ANK3: variants seen among roughly 807,000 people sequenced by gnomAD.
ANK3 encodes ankyrin-3.
A neutral mutation model predicts 370.9 loss-of-function variants in ANK3; 57 were observed. The observed-to-expected ratio is 0.15, with a 90% CI of 0.12 to 0.19. The LOEUF (loss-of-function observed/expected upper bound fraction) is 0.19. Ranked by LOEUF, ANK3 falls within the 10% of genes least tolerant of loss-of-function variation. The pLI is 1.00. For synonymous variants in ANK3, 1,929 were observed against 1,946.3 expected (o/e 0.99, Z 0.23); for missense variants, 4,439 against 5,302.1 (o/e 0.84, Z 5.06).
intron 2 of ANK3, among the ~76,000 whole-genome samples, chr10:60,488,736 T>C (rs1333702850): frequency 1.3e-5 from 2 of 152,224 alleles, no homozygotes; most frequent in East Asian, 1.9e-4. Context: ...ATCCACGTGA[T>C]AGAAAATATT....
chr10:60,478,091 T>C (rs1440960626), intron 2 of ANK3, among the ~76,000 whole-genome samples: 1 of 152,096 alleles, frequency 6.6e-6, no homozygotes, highest in East Asian at 1.9e-4. Context: ...GAGAATGAAT[T>C]CATCATTAAT....
chr10:60,402,117 T>C (rs2063363038), intron 2 of ANK3, among the ~76,000 whole-genome samples: 1 of 152,162 alleles, frequency 6.6e-6, no homozygotes, highest in Non-Finnish European at 1.5e-5. Context: ...ACCCAAGCTG[T>C]TTTTTAAACC....
At chr10:60,548,229 T>G (rs1320014577) in intron 2 of ANK3, among the ~76,000 whole-genome samples, 1 of 127,456 alleles carries the variant, frequency 7.8e-6, no homozygotes, top group Non-Finnish European at 1.7e-5. Context: ...TTTTTTTTTT[T>G]TTTTTGAGAC....
chr10:60,267,226 C>T (rs10761471), intron 5 of ANK3, among the ~76,000 whole-genome samples: 1 of 151,818 alleles, frequency 6.6e-6, no homozygotes, highest in African/African-American at 2.4e-5. Context: ...TAAATACAGA[C>T]TTCTCTATAA....
chr10:60,444,374 TAA>T (rs1246256362), intron 2 of ANK3, among the ~76,000 whole-genome samples: 5 of 150,932 alleles, frequency 3.3e-5, no homozygotes, highest in South Asian at 4.2e-4. Flanking sequence ...ATATAACATA[TAA>T]GTGTATATAT....
chr10:60,512,858 T>C (rs1423565091), intron 2 of ANK3, among the ~76,000 whole-genome samples: 2 of 152,110 alleles, frequency 1.3e-5, no homozygotes, highest in Non-Finnish European at 2.9e-5. Flanking sequence ...AATGGTGGCC[T>C]CTATTTCAGG....
chr10:60,632,366 C>T (rs776910305), intron 1 of ANK3, among the ~76,000 whole-genome samples: 5 of 151,912 alleles, frequency 3.3e-5, no homozygotes, highest in African/African-American at 7.3e-5. Context: ...AAAACATTTG[C>T]TTTCCAAAAA....
At chr10:60,419,060 C>T (rs750909525) in intron 2 of ANK3, among the ~76,000 whole-genome samples, 2 of 152,128 alleles carry the variant, frequency 1.3e-5, no homozygotes, top group Non-Finnish European at 2.9e-5. Context: ...ATTTGATTGT[C>T]TTAAATGGCT....
Position 60,073,179 on chromosome 10 carries a change from T to C in ANK3, c.7702A>G (p.Arg2568Gly), listed in dbSNP as rs2083087147. Residue 2568 changes from arginine to glycine, a missense_variant, in exon 37 of 44, where the codon AGA becomes GGA. Transcript: ENST00000280772. ...CTATCTTCATATATCAACTTCTCTC[T>C]ACCTCTGTCTAATCTGTCCTCAGTA... ...RFTEDRLDRG[R>G]EKLIYEDRVD... The C allele has an allele frequency of 6.2e-7, 1 of 1,614,062 alleles. No individual in the cohort carries two copies. The highest frequency in any genetic ancestry group is 1.1e-5 in the South Asian group (1 of 91,088).
intron 1 of ANK3, among the ~76,000 whole-genome samples, chr10:60,623,419 A>T (rs551749114): frequency 6.6e-6 from 1 of 152,174 alleles, no homozygotes; most frequent in East Asian, 1.9e-4. Context: ...TGGAGTTTGA[A>T]TGGGCAAGGA....
chr10:60,592,691 G>T (rs2133294696), intron 2 of ANK3, among the ~76,000 whole-genome samples: 1 of 152,288 alleles, frequency 6.6e-6, no homozygotes, highest in South Asian at 2.1e-4. Context: ...TTGAACTCAG[G>T]AGGCAGAAGT....
At position 60,069,000 on chromosome 10, in the gene ANK3, T is replaced by C. The variant is rs771016844; in HGVS notation, c.11881A>G (p.Thr3961Ala). 1.4e-5 allele frequency: 23 copies of C among 1,613,634 alleles called. No homozygotes were observed. The highest frequency in any genetic ancestry group is 1.9e-5 in the Non-Finnish European group (23 of 1,179,872). Reference sequence around the variant, plus strand: ...GTGGTGGTGGCAGTGGTGGTGGTGGTAGTGACACAGGTGGATCTTACCTTT... The same window carrying C: ...GTGGTGGTGGCAGTGGTGGTGGTGGCAGTGACACAGGTGGATCTTACCTTT... ...PVKVRSTCVT[T>A]TTTTATTTTT... Residue 3961 changes from threonine (T) to alanine (A), a missense_variant, in exon 37 of 44, where the codon ACC becomes GCC. Coordinates refer to ENST00000280772, the MANE Select transcript of ANK3 (RefSeq NM_020987.5).
chr10:60,505,401 T>C (rs143453442), intron 2 of ANK3, among the ~76,000 whole-genome samples: 112 of 152,238 alleles, frequency 7.4e-4, no homozygotes, highest in Non-Finnish European at 1.1e-3. Context: ...TAATATTTTA[T>C]ATTAAACATT....
intron 2 of ANK3, among the ~76,000 whole-genome samples, chr10:60,473,638 T>C (rs1228482159): frequency 6.6e-6 from 1 of 152,128 alleles, no homozygotes; most frequent in Non-Finnish European, 1.5e-5. Context: ...ATTCACTGAA[T>C]GAATGACTAA....
At chr10:60,568,288 G>A (rs1005940455) in intron 2 of ANK3, among the ~76,000 whole-genome samples, 11 of 151,910 alleles carry the variant, frequency 7.2e-5, no homozygotes, top group African/African-American at 1.9e-4. Context: ...CCCAACCTTT[G>A]GCAACCACCA....
At chr10:60,629,760 C>T (rs2133338628) in intron 1 of ANK3, among the ~76,000 whole-genome samples, 1 of 151,894 alleles carries the variant, frequency 6.6e-6, no homozygotes, top group Admixed American at 6.6e-5. Flanking sequence ...AAAAGAATGC[C>T]TCTGGTATTT....
chr10:60,119,433 T>C (rs1306584533), intron 25 of ANK3, among the ~76,000 whole-genome samples: 1 of 152,226 alleles, frequency 6.6e-6, no homozygotes. Flanking sequence ...CAAAAAAACT[T>C]TGCCTCTATT....
At chr10:60,641,936 A>G (rs1379798679) in intron 1 of ANK3, among the ~76,000 whole-genome samples, 1 of 148,766 alleles carries the variant, frequency 6.7e-6, no homozygotes, top group Non-Finnish European at 1.5e-5. Flanking sequence ...AATTTACAAG[A>G]AAAAAACAAA....
intron 1 of ANK3, among the ~76,000 whole-genome samples, chr10:60,385,265 G>A (rs1001820646): frequency 6.6e-6 from 1 of 151,828 alleles, no homozygotes; most frequent in Admixed American, 6.6e-5. Context: ...TCCTACTTCT[G>A]TTACTTTGGG....
Sources: gnomAD v4.1 joint callset for allele counts (sites outside exome capture counted in the v4.1 genomes callset) on GRCh38, gnomAD v4.1.1 for gene constraint, MANE v1.5 for transcripts, NCBI Gene and HGNC (gene_info 2026-07-23, HGNC 2026-07-21) for gene names.